RIC1: variants seen among roughly 807,000 people sequenced by gnomAD.
The protein encoded by RIC1 is guanine nucleotide exchange factor subunit RIC1.
Under a neutral mutation model 169.0 loss-of-function variants are expected in RIC1, and 88 were observed. The ratio of observed to expected loss-of-function variants is 0.52; its 90% CI spans 0.44 to 0.62. The LOEUF (loss-of-function observed/expected upper bound fraction) is 0.62. Ranked by LOEUF, RIC1 falls within the 20% of genes least tolerant of loss-of-function variation. RIC1 has a pLI of 0.00. For synonymous variants in RIC1, 790 were observed against 601.5 expected, an observed-to-expected ratio of 1.31 and a Z score of -4.59; for missense variants, 1,877 against 1,725.5, an observed-to-expected ratio of 1.09 and a Z score of -1.56.
rs1817597338 is a variant in RIC1, at chr9:5,629,252, C to G, written c.-58C>G. On this transcript the variant is annotated 5_prime_UTR_variant, in exon 1 of 26. Coordinates refer to ENST00000414202, the MANE Select transcript of RIC1 (RefSeq NM_020829.4). ...GGCGGTGTGGGAGGTGGGCGACCAG[C>G]CCGGGGCCGCTGAGTGTGACGGACG... 1 of 1,397,048 alleles carries G rather than the reference C, an allele frequency of 7.2e-7. No homozygotes were observed. Among genetic ancestry groups the G allele is most frequent in the South Asian group, 1.5e-5 (1 of 67,124 alleles). The allele number at this position is 1,397,048 out of a possible 1,614,324, so 86.5% of individuals were successfully genotyped here. A position where few individuals can be genotyped will look rare whatever the true frequency, so the allele number is the denominator to read the frequency against.
intron 23 of RIC1, 100 bp downstream of exon 23, chr9:5,770,378 G>A (rs547413214): frequency 2.8e-4 from 304 of 1,079,812 alleles, no homozygotes; most frequent in Non-Finnish European, 3.7e-4. Context: ...CTATCGTGAT[G>A]GAGGATTAAC....
intron 2 of RIC1, among the ~76,000 whole-genome samples, chr9:5,665,940 C>T (rs1819726484): frequency 6.6e-6 from 1 of 152,178 alleles, no homozygotes; most frequent in Non-Finnish European, 1.5e-5. Flanking sequence ...CTTAAAGAAG[C>T]AGTCTGGCTG....
chr9:5,761,502 AT>A (rs1040258062), intron 17 of RIC1, among the ~76,000 whole-genome samples: 56 of 151,780 alleles, frequency 3.7e-4, no homozygotes, highest in African/African-American at 1.2e-3. Context: ...ATTCTTAAGA[AT>A]TTTTTTTTAT....
intron 1 of RIC1, among the ~76,000 whole-genome samples, chr9:5,651,368 G>C (rs1393866307): frequency 6.7e-6 from 1 of 148,644 alleles, no homozygotes; most frequent in East Asian, 2.0e-4. Context: ...TTTTTTTTTT[G>C]TGAAGGAGGC....
At chr9:5,689,030 T>C (rs1254309665) in intron 2 of RIC1, among the ~76,000 whole-genome samples, 3 of 151,148 alleles carry the variant, frequency 2.0e-5, no homozygotes, top group Admixed American at 1.3e-4. Context: ...ATAGCACTGT[T>C]TTTAATACAA....
rs1241157215 is a variant in RIC1, at chr9:5,776,466, A to G, written c.*2220A>G. ...ACAAGTCATTGGGGGTGTGGGAATAAAATCAACCTTTGCTTGTAATTAAAG... is the reference window on the plus strand; with the variant it reads ...ACAAGTCATTGGGGGTGTGGGAATAGAATCAACCTTTGCTTGTAATTAAAG... On this transcript the variant is annotated 3_prime_UTR_variant, in exon 26 of 26. Coordinates refer to ENST00000414202, the MANE Select transcript of RIC1 (RefSeq NM_020829.4). The G allele has an allele frequency of 6.6e-6, 1 of 152,110 alleles. No individual in the cohort carries two copies. The highest frequency in any genetic ancestry group is 1.5e-5 in the Non-Finnish European group (1 of 67,976). 9.4% of individuals were successfully genotyped at this position (152,110 alleles called of 1,614,324 possible). A position where few individuals can be genotyped will look rare whatever the true frequency, so the allele number is the denominator to read the frequency against.
At chr9:5,667,922 C>G (rs1350580403) in intron 2 of RIC1, among the ~76,000 whole-genome samples, 1 of 152,162 alleles carries the variant, frequency 6.6e-6, no homozygotes, top group African/African-American at 2.4e-5. Flanking sequence ...CTCTGCAGTA[C>G]CAATTTACTG....
At chr9:5,694,656 C>T (rs1264051584) in intron 3 of RIC1, among the ~76,000 whole-genome samples, 1 of 152,124 alleles carries the variant, frequency 6.6e-6, no homozygotes, top group Non-Finnish European at 1.5e-5. Context: ...CCTTATTGGC[C>T]ACACTTCCAA....
chr9:5,631,412 G>A (rs577557070), intron 1 of RIC1, among the ~76,000 whole-genome samples: 2 of 152,244 alleles, frequency 1.3e-5, no homozygotes, highest in South Asian at 4.1e-4. Flanking sequence ...AGTATGAGTG[G>A]TTAACCTTGG....
At chr9:5,743,090 C>G in intron 9 of RIC1, 77 bp downstream of exon 9, 2 of 1,368,754 alleles carry the variant, frequency 1.5e-6, no homozygotes, top group South Asian at 1.4e-5. Context: ...AACCTTGTGT[C>G]AGAACTTCCC....
At chr9:5,749,321 C>T (rs1247034305) in intron 12 of RIC1, among the ~76,000 whole-genome samples, 1 of 152,220 alleles carries the variant, frequency 6.6e-6, no homozygotes, top group African/African-American at 2.4e-5. Context: ...ACTCCAGCTA[C>T]ATGATTCAGT....
chr9:5,741,838 T>G (rs562260877), intron 8 of RIC1, among the ~76,000 whole-genome samples: 1 of 152,316 alleles, frequency 6.6e-6, no homozygotes, highest in East Asian at 1.9e-4. Context: ...GATTTTTGAC[T>G]GAGAGCCGAT....
At chr9:5,651,460 C>G (rs952585681) in intron 1 of RIC1, among the ~76,000 whole-genome samples, 2 of 151,392 alleles carry the variant, frequency 1.3e-5, no homozygotes, top group Admixed American at 1.3e-4. Flanking sequence ...AGGTCTTATC[C>G]AAAAAATTCC....
rs936094268 is a variant in RIC1 at position 5,765,463 on chromosome 9, A to G, written c.2891A>G (p.Asn964Ser). The G allele has an allele frequency of 4.3e-6, 7 of 1,614,082 alleles. No homozygotes were observed. The highest frequency in any genetic ancestry group is 4.0e-5 in the African/African-American group (3 of 74,950). The change falls in exon 20 of 26, where the codon AAC (asparagine) becomes AGC (serine). Residue 964 changes from asparagine (N) to serine (S), a missense_variant. Physicochemically the swap from Asn to Ser is conservative, Grantham distance 46. Coordinates refer to ENST00000414202, the MANE Select transcript of RIC1 (RefSeq NM_020829.4). ...AGGCAACATGCTACCCTTCTATTCA[A>G]CACAGCACTAGAACAAGGCAAGTGG... ...VSRQHATLLF[N>S]TALEQGKWDL...
At chr9:5,738,332 G>A in intron 7 of RIC1, 118 bp from the exon 8 acceptor site, 1 of 669,040 alleles carries the variant, frequency 1.5e-6, no homozygotes, top group Non-Finnish European at 2.6e-6. Flanking sequence ...GCAACTTATT[G>A]ACAAAGTGGT....
At chr9:5,771,769 A>C (rs957967018) in intron 23 of RIC1, among the ~76,000 whole-genome samples, 2 of 152,170 alleles carry the variant, frequency 1.3e-5, no homozygotes, top group Non-Finnish European at 2.9e-5. Flanking sequence ...TTTCAAATAT[A>C]TTAAAAAGTA....
intron 12 of RIC1, 111 bp downstream of exon 12, chr9:5,747,616 A>C (rs1825459675): frequency 1.0e-6 from 1 of 962,468 alleles, no homozygotes; most frequent in Non-Finnish European, 1.6e-6. Flanking sequence ...AATCCTTTTA[A>C]CCATTTTGTC....
intron 1 of RIC1, among the ~76,000 whole-genome samples, chr9:5,634,497 A>G (rs906642111): frequency 2.0e-5 from 3 of 152,078 alleles, no homozygotes; most frequent in Non-Finnish European, 2.9e-5. Flanking sequence ...CCTATTGGCC[A>G]TTGGCTGTTT....
intron 1 of RIC1, among the ~76,000 whole-genome samples, chr9:5,637,802 TG>T (rs1303477239): frequency 3.9e-5 from 6 of 152,230 alleles, no homozygotes; most frequent in Middle Eastern, 6.3e-3. Flanking sequence ...TCATTTTTTT[TG>T]TAACTGAATA....
Sources: gnomAD v4.1 joint callset for allele counts (sites outside exome capture counted in the v4.1 genomes callset) on GRCh38, gnomAD v4.1.1 for gene constraint, MANE v1.5 for transcripts, NCBI Gene and HGNC (gene_info 2026-07-23, HGNC 2026-07-21) for gene names.